FGF14: variants seen among roughly 807,000 people sequenced by gnomAD.
FGF14 encodes the protein fibroblast growth factor homologous factor 4.
Under a neutral mutation model 25.5 loss-of-function variants are expected in FGF14, and 5 were observed. That is an observed-to-expected ratio of 0.20 (90% CI 0.10 to 0.41). The LOEUF (loss-of-function observed/expected upper bound fraction) is 0.41, where lower values mean the gene tolerates loss of function less well. FGF14 is among the 10% of genes least tolerant of loss of function. The pLI is 1.00. For missense variants in FGF14, 222 were observed against 320.1 expected (o/e 0.69, Z 2.34); for synonymous variants, 138 against 118.3 (o/e 1.17, Z -1.08).
At chr13:101,748,975 T>C (rs1365146097) in intron 3 of FGF14, among the ~76,000 whole-genome samples, 1 of 151,980 alleles carries the variant, frequency 6.6e-6, no homozygotes, top group African/African-American at 2.4e-5. Flanking sequence ...TGGGATATCA[T>C]TTAGTTTTTA....
chr13:101,875,658 T>C (rs1350123102), intron 1 of FGF14, among the ~76,000 whole-genome samples: 2 of 152,164 alleles, frequency 1.3e-5, no homozygotes, highest in Non-Finnish European at 2.9e-5. Flanking sequence ...TTTTGCAAAC[T>C]GGTGACTCTC....
At chr13:101,969,089 C>T (rs1255356389) in intron 1 of FGF14, among the ~76,000 whole-genome samples, 1 of 152,144 alleles carries the variant, frequency 6.6e-6, no homozygotes, top group African/African-American at 2.4e-5. Flanking sequence ...GAAAATCTGG[C>T]CAGTGGGCTC....
chr13:101,857,539 A>G (rs1374143375), intron 3 of FGF14, among the ~76,000 whole-genome samples: 1 of 152,046 alleles, frequency 6.6e-6, no homozygotes, highest in African/African-American at 2.4e-5. Context: ...ATTGCCTTCC[A>G]GGCTGGATGA....
intron 3 of FGF14, among the ~76,000 whole-genome samples, chr13:101,759,364 C>T (rs2037862836): frequency 6.6e-6 from 1 of 152,094 alleles, no homozygotes; most frequent in Admixed American, 6.6e-5. Context: ...CAAGAGTGAT[C>T]AGGATGGCTA....
chr13:102,138,741 A>G (rs554629873), intron 1 of FGF14, among the ~76,000 whole-genome samples: 11 of 152,326 alleles, frequency 7.2e-5, no homozygotes, highest in African/African-American at 2.6e-4. Flanking sequence ...TGGGCAAATT[A>G]AAGGGTGCTC....
chr13:101,903,545 T>C (rs1157425562), intron 1 of FGF14, among the ~76,000 whole-genome samples: 1 of 152,158 alleles, frequency 6.6e-6, no homozygotes, highest in African/African-American at 2.4e-5. Flanking sequence ...GGTAGGCTTT[T>C]TTTTTCCTGT....
At chr13:102,376,912 T>A (rs1455162168) in intron 1 of FGF14, among the ~76,000 whole-genome samples, 3 of 152,156 alleles carry the variant, frequency 2.0e-5, no homozygotes, top group African/African-American at 7.2e-5. Flanking sequence ...CACAAGCCCA[T>A]GGGCACCAAG....
At chr13:102,234,782 C>T (rs1309207065) in intron 1 of FGF14, among the ~76,000 whole-genome samples, 1 of 152,140 alleles carries the variant, frequency 6.6e-6, no homozygotes, top group Non-Finnish European at 1.5e-5. Context: ...ATGAAACATA[C>T]ACGTTTGTCA....
At chr13:101,726,161 A>T (rs955634175) in intron 4 of FGF14, among the ~76,000 whole-genome samples, 1 of 152,130 alleles carries the variant, frequency 6.6e-6, no homozygotes, top group African/African-American at 2.4e-5. Context: ...ATCCACAAGT[A>T]GGTAATTACT....
chr13:102,357,369 G>T (rs1192576756), intron 1 of FGF14, among the ~76,000 whole-genome samples: 1 of 152,098 alleles, frequency 6.6e-6, no homozygotes, highest in Non-Finnish European at 1.5e-5. Flanking sequence ...CGAGGGCACT[G>T]ACAATATGTC....
chr13:101,790,591 A>T (rs1035146512), intron 3 of FGF14, among the ~76,000 whole-genome samples: 10 of 152,150 alleles, frequency 6.6e-5, no homozygotes, highest in Non-Finnish European at 1.2e-4. Flanking sequence ...TTGTTAAAAT[A>T]AATACACCAC....
intron 1 of FGF14, among the ~76,000 whole-genome samples, chr13:102,166,479 G>A (rs766279615): frequency 1.3e-5 from 2 of 152,024 alleles, no homozygotes; most frequent in African/African-American, 2.4e-5. Context: ...ACATGGCAAC[G>A]CTCTGCCTTC....
At chr13:102,233,455 T>G (rs2051177505) in intron 1 of FGF14, among the ~76,000 whole-genome samples, 1 of 151,426 alleles carries the variant, frequency 6.6e-6, no homozygotes, top group Non-Finnish European at 1.5e-5. Context: ...AACTTGCTTT[T>G]TTTTGTCTAG....
intron 1 of FGF14, among the ~76,000 whole-genome samples, chr13:102,223,699 T>C (rs1426637839): frequency 6.6e-6 from 1 of 152,160 alleles, no homozygotes; most frequent in Non-Finnish European, 1.5e-5. Flanking sequence ...ACATTTATCC[T>C]ATCTGTTTCA....
chr13:101,872,003 T>C (rs1358688010), intron 2 of FGF14, among the ~76,000 whole-genome samples: 2 of 149,418 alleles, frequency 1.3e-5, no homozygotes, highest in Non-Finnish European at 3.0e-5. Flanking sequence ...TTTTCCCCTC[T>C]TCTTAATTCA....
At chr13:102,174,135 CTTTTTT>C (rs35882587) in intron 1 of FGF14, among the ~76,000 whole-genome samples, 2 of 129,418 alleles carry the variant, frequency 1.5e-5, no homozygotes, top group Non-Finnish European at 3.3e-5. Flanking sequence ...ATCAGCATTT[CTTTTTT>C]TTTTTTTTTT....
chr13:101,923,445 T>C (rs1315655385), intron 1 of FGF14, among the ~76,000 whole-genome samples: 1 of 152,102 alleles, frequency 6.6e-6, no homozygotes. Flanking sequence ...TAATCGATAT[T>C]GATGTCCCTT....
chr13:101,726,292 A>G (rs916797774), intron 4 of FGF14, among the ~76,000 whole-genome samples: 2 of 152,056 alleles, frequency 1.3e-5, no homozygotes, highest in African/African-American at 4.8e-5. Context: ...ATCATTACAG[A>G]TTTAAAATTG....
intron 1 of FGF14, among the ~76,000 whole-genome samples, chr13:102,108,432 G>A (rs7330435): frequency 1.8e-4 from 27 of 151,304 alleles, no homozygotes; most frequent in African/African-American, 6.6e-4. Context: ...CAAGCAAAGG[G>A]TTAGAAATGT....
Sources: gnomAD v4.1 joint callset for allele counts (sites outside exome capture counted in the v4.1 genomes callset) on GRCh38, gnomAD v4.1.1 for gene constraint, MANE v1.5 for transcripts, NCBI Gene and HGNC (gene_info 2026-07-23, HGNC 2026-07-21) for gene names.